Variants in PRDM16 observed in about 807,000 individuals in gnomAD.
PRDM16 encodes PR/SET domain 16.
In PRDM16, 23 loss-of-function variants were observed where a neutral mutation model predicts 110.6. The observed-to-expected ratio is 0.21, with a 90% confidence interval of 0.15 to 0.29. The LOEUF (loss-of-function observed/expected upper bound fraction) is 0.29, where lower values mean the gene tolerates loss of function less well. Ranked by LOEUF, PRDM16 falls within the 10% of genes least tolerant of loss-of-function variation. PRDM16 has a pLI of 1.00. For synonymous variants in PRDM16, 799 were observed against 781.8 expected (o/e 1.02, Z -0.37); for missense variants, 1,615 against 1,794.3 (o/e 0.90, Z 1.81).
At chr1:3,357,722 C>T (rs887692333) in intron 3 of PRDM16, among the ~76,000 whole-genome samples, 1 of 152,228 alleles carries the variant, frequency 6.6e-6, no homozygotes, top group African/African-American at 2.4e-5. Flanking sequence ...TCCAGCAGCA[C>T]TTCTCAACCC....
At chr1:3,234,290 C>T (rs541949015) in intron 2 of PRDM16, among the ~76,000 whole-genome samples, 34 of 152,240 alleles carry the variant, frequency 2.2e-4, no homozygotes, top group African/African-American at 7.0e-4. Context: ...TTTCAGAGCT[C>T]AAATCCAGAC....
chr1:3,435,174 A>G lies in PRDM16; in HGVS notation c.*1363A>G, dbSNP rs992134529. ...CTTTAAATTATTCCCATAGGGGCCA[A>G]TTTCAAATAATAATTTTTTTCCCTG... On this transcript the variant is annotated 3_prime_UTR_variant, in exon 17 of 17. Coordinates refer to ENST00000270722, the MANE Select transcript of PRDM16 (RefSeq NM_022114.4). The G allele has an allele frequency of 1.8e-5, 4 of 224,410 alleles. No homozygotes were observed. The highest frequency in any genetic ancestry group is 3.6e-5 in the Non-Finnish European group (4 of 112,662). 13.9% of individuals were successfully genotyped at this position (224,410 alleles called of 1,614,324 possible). A position where few individuals can be genotyped will look rare whatever the true frequency, so the allele number is the denominator to read the frequency against.
At chr1:3,324,304 C>G (rs1426185477) in intron 3 of PRDM16, among the ~76,000 whole-genome samples, 1 of 152,158 alleles carries the variant, frequency 6.6e-6, no homozygotes, top group South Asian at 2.1e-4. Flanking sequence ...GGCTCACTCT[C>G]CTCCTCTCTG....
At chr1:3,364,791 G>A (rs562864941) in intron 3 of PRDM16, among the ~76,000 whole-genome samples, 59 of 152,330 alleles carry the variant, frequency 3.9e-4, no homozygotes, top group Non-Finnish European at 5.1e-4. Context: ...ACATGGGCCC[G>A]CGCAGCCTCA....
intron 1 of PRDM16, among the ~76,000 whole-genome samples, chr1:3,164,573 GA>G (rs1643929044): frequency 6.6e-6 from 1 of 152,248 alleles, no homozygotes; most frequent in Non-Finnish European, 1.5e-5. Context: ...TGAGCGGACA[GA>G]AAACTTTCCC....
At chr1:3,076,210 G>A (rs910351912) in intron 1 of PRDM16, among the ~76,000 whole-genome samples, 3 of 152,156 alleles carry the variant, frequency 2.0e-5, no homozygotes, top group African/African-American at 4.8e-5. Context: ...GTCCAAGCAC[G>A]TGTGTGTGTC....
At position 3,396,593 on chromosome 1, in the gene PRDM16, G is replaced by T; in HGVS notation, c.676G>T (p.Glu226Ter). 1 of 1,528,700 alleles carries T rather than the reference G, an allele frequency of 6.5e-7. No homozygotes were observed. The highest frequency in any genetic ancestry group is 8.9e-7 in the Non-Finnish European group (1 of 1,120,428). The allele number at this position is 1,528,700 out of a possible 1,614,324, so 94.7% of individuals were successfully genotyped here. Residue 226 changes from glutamate (E) to a stop codon, truncating the protein, a stop_gained and splice_region_variant, in exon 5 of 17, where the codon GAG (glutamate) becomes TAG (stop). Coordinates refer to ENST00000270722, the MANE Select transcript of PRDM16 (RefSeq NM_022114.4). LOFTEE classifies it high-confidence loss of function. ...PLGTVPPGLD[E>*]EPTFRCDECD... The stretch of plus-strand genomic sequence containing the variant: ...GGGCACAGTGCCGCCCGGCCTGGAC[G>T]GTAAGACCCCTCCCCCAAACCGGGC...
intron 1 of PRDM16, chr1:3,128,102 C>T (rs1482916122): frequency 2.6e-5 from 4 of 154,860 alleles, no homozygotes; most frequent in African/African-American, 7.2e-5. Flanking sequence ...GTGGAGGGAT[C>T]AACTCCGCCT....
In PRDM16 at chr1:3,069,931, G is replaced by T. The variant is rs1041297939; in HGVS notation, c.37+635G>T. Among the ~76,000 whole-genome samples, 32 of 152,016 alleles carry T rather than the reference G, an allele frequency of 2.1e-4. No homozygotes were observed. Among genetic ancestry groups the T allele is most frequent in the Non-Finnish European group, 4.3e-4 (29 of 67,942 alleles). On this transcript the variant is annotated intron_variant, in intron 1 of 16. Transcript: ENST00000270722. The surrounding 1 kb of genome is among the most constrained non-coding windows in gnomAD (Gnocchi z 6.1). ...GACGGCGGGACAGCCGCAGCCACTT[G>T]GGGAGCAAAATGGAGACTTTTGCCC...
intron 3 of PRDM16, among the ~76,000 whole-genome samples, chr1:3,250,332 G>C (rs1639900432): frequency 6.6e-6 from 1 of 152,138 alleles, no homozygotes; most frequent in African/African-American, 2.4e-5. Flanking sequence ...TTGCCCCCTG[G>C]GGTAGGGCGG....
At chr1:3,381,865 C>T (rs1643107969) in intron 3 of PRDM16, among the ~76,000 whole-genome samples, 1 of 152,218 alleles carries the variant, frequency 6.6e-6, no homozygotes, top group African/African-American at 2.4e-5. Flanking sequence ...AGAAGCAGAG[C>T]AGGGGAGACA....
In PRDM16 at chr1:3,201,611, G is replaced by A. The variant is rs753816257; in HGVS notation, c.387+15137G>A. Among the ~76,000 whole-genome samples, 19 of 152,320 alleles carry A rather than the reference G, an allele frequency of 1.2e-4. 1 individual carries two copies. Among genetic ancestry groups the A allele is most frequent in the East Asian group, 5.8e-4 (3 of 5,174 alleles). ...ACTTTTTGCCCCTGAGCATGGCCTCGGGGGCTGGGAGCCCCGGCTCTGACG... is the reference window on the plus strand; with the variant it reads ...ACTTTTTGCCCCTGAGCATGGCCTCAGGGGCTGGGAGCCCCGGCTCTGACG... On this transcript the variant is annotated intron_variant, in intron 2 of 16. Transcript: ENST00000270722. The surrounding 1 kb of genome is among the most constrained non-coding windows in gnomAD (Gnocchi z 4.1).
At chr1:3,418,604 GGGAAAT>G (rs1384030597) in intron 11 of PRDM16, 57 bp from the exon 12 acceptor site, 2 of 1,123,864 alleles carry the variant, frequency 1.8e-6, no homozygotes, top group Non-Finnish European at 2.7e-6. Flanking sequence ...AACCATTTCT[GGGAAAT>G]GGCCATGTAA....
rs1220138751 is a variant in PRDM16 at position 3,240,056 on chromosome 1, A to AGAGGAGAGG, written c.388-4031_388-4030insGAGGAGAGG. 1.3e-3 allele frequency among the ~76,000 whole-genome samples: 136 copies of AGAGGAGAGG among 103,406 alleles called. 2 individuals carry two copies. Among genetic ancestry groups the AGAGGAGAGG allele is most frequent in the African/African-American group, 4.8e-3 (118 of 24,426 alleles). The allele number at this position is 103,406 out of a possible 152,430, so 67.8% of individuals were successfully genotyped here. A position where few individuals can be genotyped will look rare whatever the true frequency, so the allele number is the denominator to read the frequency against. ...AGAGGAGAAGAGGAGAGGAGAGGAG[A>AGAGGAGAGG]AGAGGAGAGGAGAGGAGAGGAGAGG... On this transcript the variant is annotated intron_variant, in intron 2 of 16. Transcript: ENST00000270722.
At chr1:3,071,785 G>T (rs1167137319) in intron 1 of PRDM16, among the ~76,000 whole-genome samples, 1 of 152,166 alleles carries the variant, frequency 6.6e-6, no homozygotes, top group Non-Finnish European at 1.5e-5. Context: ...TGGTATTCAG[G>T]CTGGGCACAG....
intron 1 of PRDM16, among the ~76,000 whole-genome samples, chr1:3,174,288 C>G (rs1236958000): frequency 1.3e-5 from 2 of 152,198 alleles, no homozygotes; most frequent in Non-Finnish European, 2.9e-5. Context: ...AGGGCCCTCC[C>G]TAGTGACCTC....
At chr1:3,423,345 C>T (rs894299775) in intron 12 of PRDM16, among the ~76,000 whole-genome samples, 40 of 152,330 alleles carry the variant, frequency 2.6e-4, no homozygotes, top group East Asian at 1.9e-4. Flanking sequence ...CTCCTGGGCC[C>T]GGCAGCAGCA....
At position 3,119,282 on chromosome 1, in the gene PRDM16, T is replaced by C. The variant is rs139077124; in HGVS notation, c.37+49986T>C. On this transcript the variant is annotated intron_variant, in intron 1 of 16. Coordinates refer to ENST00000270722, the MANE Select transcript of PRDM16 (RefSeq NM_022114.4). ...GGTGAAGGGCCGGTGCCTCGGCCGG[T>C]GCCGTGGACATTCTTTGTGCGGCCA... Among the ~76,000 whole-genome samples, 930 of 152,370 alleles carry C rather than the reference T, an allele frequency of 6.1e-3. 3 individuals carry two copies. The highest frequency in any genetic ancestry group is 0.011 in the Non-Finnish European group (731 of 68,024).
intron 2 of PRDM16, among the ~76,000 whole-genome samples, chr1:3,239,838 T>A (rs988200041): frequency 1.3e-5 from 2 of 151,498 alleles, no homozygotes; most frequent in Non-Finnish European, 2.9e-5. Context: ...TAATCCTAGC[T>A]ATTTGGGAGG....
Sources: allele counts gnomAD v4.1 joint callset (sites outside exome capture counted in the v4.1 genomes callset), GRCh38; gene constraint gnomAD v4.1.1; non-coding constraint Gnocchi (gnomAD v3.1); transcripts MANE v1.5; gene names NCBI Gene and HGNC (gene_info 2026-07-23, HGNC 2026-07-21).